Variants in METTL15 observed in about 807,000 individuals in gnomAD.
METTL15 encodes methyltransferase 15, mitochondrial 12S rRNA N4-cytidine.
In METTL15, 34 loss-of-function variants were observed where a neutral mutation model predicts 38.3. That is an observed-to-expected ratio of 0.89 (90% CI 0.68 to 1.18). METTL15 has a LOEUF of 1.18. METTL15 is among the 50% of genes most tolerant of loss of function. METTL15 has a pLI of 0.00. For synonymous variants in METTL15, 162 were observed against 170.9 expected, an observed-to-expected ratio of 0.95 and a Z score of 0.41; for missense variants, 438 against 498.4, an observed-to-expected ratio of 0.88 and a Z score of 1.15.
intron 3 of METTL15, among the ~76,000 whole-genome samples, chr11:28,198,332 CTATT>C (rs1355805450): frequency 6.6e-6 from 1 of 151,816 alleles, no homozygotes; most frequent in Non-Finnish European, 1.5e-5. Flanking sequence ...AGAGTGAAAG[CTATT>C]TATCACAAAG....
rs78214635 is a variant in METTL15, at chr11:28,184,372, T to A, written c.271-26690T>A. On this transcript the variant is annotated intron_variant, in intron 3 of 6. Coordinates refer to ENST00000407364, the MANE Select transcript of METTL15 (RefSeq NM_001113528.2). ...ATGTTAGAGTGTCAATTTTAGATCA[T>A]TCCTGCTTTCTCTTGTGGGCATTTA... Among the ~76,000 whole-genome samples the A allele has an allele frequency of 6.6e-4, 100 of 152,166 alleles. 1 individual carries two copies. The highest frequency in any genetic ancestry group is 2.3e-3 in the African/African-American group (96 of 41,534).
chr11:28,194,268 A>G (rs1851825995), intron 3 of METTL15, among the ~76,000 whole-genome samples: 1 of 148,458 alleles, frequency 6.7e-6, no homozygotes, highest in East Asian at 2.0e-4. Flanking sequence ...GTGCGATCTC[A>G]GCTCACAGCA....
At chr11:28,308,893 T>TAGAC (rs1174304640) in intron 6 of METTL15, among the ~76,000 whole-genome samples, 4 of 12,074 alleles carry the variant, frequency 3.3e-4, no homozygotes, top group Non-Finnish European at 1.1e-3. Context: ...GGTAGGTAGG[T>TAGAC]AGATAGATAG....
chr11:28,330,582 A>G lies in METTL15; in HGVS notation c.965A>G (p.His322Arg). ...PGGRLVALSF[H>R]SLEDRIVKRF... The stretch of plus-strand genomic sequence containing the variant: ...GGTCGTCTTGTTGCCCTCTCCTTCC[A>G]TTCACTAGAGGATCGCATCGTCAAA... Residue 322 changes from histidine (H) to arginine (R), a missense_variant, in exon 7 of 7, where the codon CAT (histidine) becomes CGT (arginine). Transcript: ENST00000407364. 2 of 1,551,596 alleles carry G rather than the reference A, an allele frequency of 1.3e-6. No individual in the cohort carries two copies. The highest frequency in any genetic ancestry group is 1.7e-6 in the Non-Finnish European group (2 of 1,146,906).
At chr11:28,293,818 A>G (rs982658900) in intron 5 of METTL15, among the ~76,000 whole-genome samples, 4 of 152,142 alleles carry the variant, frequency 2.6e-5, no homozygotes, top group South Asian at 4.1e-4. Context: ...CTTTGAAGCA[A>G]TTGTGAATGG....
intron 4 of METTL15, among the ~76,000 whole-genome samples, chr11:28,215,319 G>T (rs900689744): frequency 4.6e-5 from 7 of 152,110 alleles, no homozygotes; most frequent in Admixed American, 4.6e-4. Context: ...GAGAAAAAAG[G>T]TTCTGGTTTC....
At chr11:28,149,839 T>A (rs563706867) in intron 3 of METTL15, among the ~76,000 whole-genome samples, 1 of 152,104 alleles carries the variant, frequency 6.6e-6, no homozygotes, top group African/African-American at 2.4e-5. Flanking sequence ...TAAAATATAT[T>A]TGCATTTCTC....
intron 6 of METTL15, among the ~76,000 whole-genome samples, chr11:28,440,710 C>A (rs531918872): frequency 6.6e-6 from 1 of 152,350 alleles, no homozygotes; most frequent in East Asian, 1.9e-4. Context: ...TGTCATCATA[C>A]GTGCACACAT....
intron 4 of METTL15, among the ~76,000 whole-genome samples, chr11:28,239,378 A>G (rs1218267719): frequency 6.6e-6 from 1 of 152,210 alleles, no homozygotes; most frequent in Non-Finnish European, 1.5e-5. Context: ...TGGCAGTACA[A>G]TTCTGTTGGA....
chr11:28,232,740 C>A (rs1367007194), intron 4 of METTL15, among the ~76,000 whole-genome samples: 2 of 151,894 alleles, frequency 1.3e-5, no homozygotes, highest in Admixed American at 6.6e-5. Context: ...ACCTTTCTAA[C>A]CTCCGTTTTA....
chr11:28,436,782 G>C (rs1168270881), intron 6 of METTL15, among the ~76,000 whole-genome samples: 2 of 152,172 alleles, frequency 1.3e-5, no homozygotes, highest in Non-Finnish European at 2.9e-5. Flanking sequence ...CACTCAGTGT[G>C]ATAGTTAATA....
intron 6 of METTL15, among the ~76,000 whole-genome samples, chr11:28,511,816 G>C (rs1011055881): frequency 6.6e-6 from 1 of 152,184 alleles, no homozygotes; most frequent in Non-Finnish European, 1.5e-5. Flanking sequence ...CAGTGTGGAA[G>C]GGGACTAGAA....
intron 3 of METTL15, among the ~76,000 whole-genome samples, chr11:28,114,036 A>G (rs1039865616): frequency 1.3e-5 from 2 of 152,192 alleles, no homozygotes; most frequent in Non-Finnish European, 2.9e-5. Context: ...TTGTAAGTTG[A>G]GGAGAATTTG....
At chr11:28,155,540 G>A (rs1317339680) in intron 3 of METTL15, among the ~76,000 whole-genome samples, 1 of 152,116 alleles carries the variant, frequency 6.6e-6, no homozygotes, top group African/African-American at 2.4e-5. Flanking sequence ...TGCTCTGTCT[G>A]AATTAATGGC....
chr11:28,160,348 G>C (rs1196261935), intron 3 of METTL15, among the ~76,000 whole-genome samples: 1 of 151,912 alleles, frequency 6.6e-6, no homozygotes, highest in African/African-American at 2.4e-5. Flanking sequence ...TTGTTGGGAA[G>C]TGATCAAGGA....
intron 6 of METTL15, among the ~76,000 whole-genome samples, chr11:28,477,951 A>T (rs1277377861): frequency 6.6e-6 from 1 of 152,072 alleles, no homozygotes; most frequent in Non-Finnish European, 1.5e-5. Flanking sequence ...TTCTATATAG[A>T]TATGGTTCTT....
intron 5 of METTL15, among the ~76,000 whole-genome samples, chr11:28,377,302 A>G (rs1850327503): frequency 6.6e-6 from 1 of 151,868 alleles, no homozygotes; most frequent in East Asian, 1.9e-4. Context: ...TACACCAATC[A>G]GACATAGATT....
chr11:28,249,325 A>G (rs1590217007), intron 4 of METTL15, among the ~76,000 whole-genome samples: 1 of 152,050 alleles, frequency 6.6e-6, no homozygotes, highest in Admixed American at 6.6e-5. Context: ...CACATAGTAC[A>G]CATTCAACAA....
intron 3 of METTL15, among the ~76,000 whole-genome samples, chr11:28,183,289 A>C: frequency 6.6e-6 from 1 of 152,020 alleles, no homozygotes; most frequent in East Asian, 1.9e-4. Flanking sequence ...AACTTCCAAT[A>C]CTGTGTTGAA....
Sources: allele counts gnomAD v4.1 joint callset (sites outside exome capture counted in the v4.1 genomes callset), GRCh38; gene constraint gnomAD v4.1.1; transcripts MANE v1.5; gene names NCBI Gene and HGNC (gene_info 2026-07-23, HGNC 2026-07-21).